STIL: variants seen among roughly 807,000 people sequenced by gnomAD.
The protein encoded by STIL is SCL-interrupting locus protein.
Under a neutral mutation model 110.1 loss-of-function variants are expected in STIL, and 55 were observed. The ratio of observed to expected loss-of-function variants is 0.50; its 90% confidence interval spans 0.40 to 0.63. STIL has a LOEUF of 0.63. Ranked by LOEUF, STIL falls within the 20% of genes least tolerant of loss-of-function variation. The probability of loss-of-function intolerance (pLI) is 0.00; values close to 1 mark genes in which losing one functional copy is unlikely to be tolerated. For missense variants in STIL, 1,358 were observed against 1,530.0 expected (o/e 0.89, Z 1.87); for synonymous variants, 481 against 530.0 (o/e 0.91, Z 1.27).
At chr1:47,259,006 T>TTTTTTTTTTTTTA (rs55925437) in intron 16 of STIL, among the ~76,000 whole-genome samples, 3 of 51,702 alleles carry the variant, frequency 5.8e-5, no homozygotes, top group African/African-American at 1.9e-4. Context: ...TTTTTTTTTT[T>TTTTTTTTTTTTTA]GAGACAGTCT....
rs1192894790 is a variant in STIL at position 47,263,060 on chromosome 1, C to A, written c.2672G>T (p.Gly891Val). The A allele has an allele frequency of 6.2e-7, 1 of 1,614,016 alleles. No individual in the cohort carries two copies. The highest frequency in any genetic ancestry group is 1.3e-5 in the African/African-American group (1 of 74,916). The change falls in exon 15 of 17, where the codon GGC becomes GTC. Residue 891 changes from glycine (G) to valine (V), a missense_variant. Gly to Val is a moderately radical substitution (Grantham distance 109). Transcript: ENST00000371877. ...EPDVPVFFPS[G>V]QLAESVSMCL... ...CATGCTTACACTTTCTGCCAGCTGG[C>A]CACTTGGAAAGAACACAGGTACATC...
At chr1:47,285,395 A>G (rs747728180) in intron 10 of STIL, among the ~76,000 whole-genome samples, 1 of 152,214 alleles carries the variant, frequency 6.6e-6, no homozygotes, top group Non-Finnish European at 1.5e-5. Context: ...CTTAAAACAA[A>G]TATCTCTACA....
At chr1:47,297,620 T>C (rs922780027) in intron 6 of STIL, among the ~76,000 whole-genome samples, 1 of 152,098 alleles carries the variant, frequency 6.6e-6, no homozygotes, top group African/African-American at 2.4e-5. Context: ...TACATTGTCC[T>C]AGCTGGAGAG....
intron 14 of STIL, among the ~76,000 whole-genome samples, 174 bp downstream of exon 14, chr1:47,269,461 C>A (rs543397829): frequency 5.9e-5 from 9 of 152,050 alleles, no homozygotes; most frequent in Admixed American, 5.2e-4. Flanking sequence ...AATGTTTTTA[C>A]CACAGAAAAA....
In STIL at chr1:47,300,112, C is replaced by T; in HGVS notation, c.494G>A (p.Cys165Tyr). The T allele has an allele frequency of 6.2e-7, 1 of 1,614,084 alleles. No homozygotes were observed. Residue 165 changes from cysteine to tyrosine, a missense_variant, in exon 6 of 17, where the codon TGT becomes TAT. Transcript: ENST00000371877. ...CHICSKDSLDCGKLLSLRVHI... is the reference protein window; with the variant it reads ...CHICSKDSLDYGKLLSLRVHI... ...AACTCTTAGGGAAAGCAGCTTACCA[C>T]AGTCCAAGGAATCTTTGCTACATAT...
chr1:47,301,532 TTAAC>T, intron 5 of STIL, 25 bp downstream of exon 5: 1 of 1,588,808 alleles, frequency 6.3e-7, no homozygotes, highest in Non-Finnish European at 8.6e-7. Context: ...TTGTGTTGAA[TTAAC>T]TATCAAGTTG....
chr1:47,270,354 G>A (rs1239729605), intron 13 of STIL, among the ~76,000 whole-genome samples: 3 of 149,716 alleles, frequency 2.0e-5, no homozygotes, highest in Middle Eastern at 6.8e-3. Context: ...AGAGGTAGGT[G>A]GAAGACAGAA....
intron 2 of STIL, among the ~76,000 whole-genome samples, chr1:47,306,750 G>A (rs1203466136): frequency 1.3e-5 from 2 of 152,168 alleles, no homozygotes; most frequent in African/African-American, 4.8e-5. Flanking sequence ...CCTCAACAAA[G>A]ATGCCAGGGG....
chr1:47,307,303 G>A (rs1382620726), intron 2 of STIL, among the ~76,000 whole-genome samples: 3 of 152,334 alleles, frequency 2.0e-5, no homozygotes, highest in South Asian at 4.1e-4. Context: ...GTGACAGAGT[G>A]AGACTCTGTC....
intron 2 of STIL, among the ~76,000 whole-genome samples, chr1:47,306,352 A>C (rs1052912500): frequency 6.6e-6 from 1 of 151,406 alleles, no homozygotes; most frequent in Admixed American, 6.6e-5. Flanking sequence ...CTGCAGCCTT[A>C]AACTCCTGGG....
At chr1:47,286,293 C>T (rs1645296926) in intron 10 of STIL, among the ~76,000 whole-genome samples, 2 of 152,092 alleles carry the variant, frequency 1.3e-5, no homozygotes, top group Non-Finnish European at 2.9e-5. Flanking sequence ...ATTTAATCAC[C>T]CACAGCTTTA....
intron 14 of STIL, among the ~76,000 whole-genome samples, chr1:47,264,959 G>T (rs1024563483): frequency 7.8e-5 from 11 of 141,548 alleles, no homozygotes; most frequent in African/African-American, 2.3e-4. Context: ...CCAAAACAAG[G>T]GCATGGTGGC....
chr1:47,290,063 T>A (rs543303076), intron 8 of STIL, among the ~76,000 whole-genome samples: 1 of 152,134 alleles, frequency 6.6e-6, no homozygotes, highest in African/African-American at 2.4e-5. Context: ...TACTAAATCA[T>A]AGCAAAGGAT....
intron 12 of STIL, 53 bp downstream of exon 12, chr1:47,280,188 T>C: frequency 6.2e-7 from 1 of 1,612,446 alleles, no homozygotes; most frequent in Non-Finnish European, 8.5e-7. Flanking sequence ...TGCCAGTTTT[T>C]AAGAAATCTT....
chr1:47,262,273 G>A (rs1644508333), intron 15 of STIL, among the ~76,000 whole-genome samples: 1 of 152,180 alleles, frequency 6.6e-6, no homozygotes, highest in Non-Finnish European at 1.5e-5. Context: ...GGATGAAAGT[G>A]ACAGTCAGGG....
chr1:47,298,438 G>C (rs1324148347), intron 6 of STIL, among the ~76,000 whole-genome samples: 1 of 152,164 alleles, frequency 6.6e-6, no homozygotes, highest in Non-Finnish European at 1.5e-5. Context: ...AGCTGGAGAG[G>C]ATTCTACTCC....
At chr1:47,253,246 A>G (rs1464238697) in intron 16 of STIL, among the ~76,000 whole-genome samples, 1 of 152,144 alleles carries the variant, frequency 6.6e-6, no homozygotes, top group Non-Finnish European at 1.5e-5. Context: ...CTTATTCTCC[A>G]TTTCAACATC....
chr1:47,302,432 C>T lies in STIL; in HGVS notation c.153-86G>A, dbSNP rs901393480. On this transcript the variant is annotated intron_variant, in intron 3 of 16. Transcript: ENST00000371877. ...CCATAAAATGCTGTCTAAATTATAA[C>T]ACACATTTTTAAAAATGTACAGAAA... is the stretch of plus-strand genomic sequence containing the variant. 4 of 1,018,030 alleles carry T rather than the reference C, an allele frequency of 3.9e-6. No homozygotes were observed. The African/African-American group carries it at 4.8e-5, about 12-fold the overall frequency. The allele number at this position is 1,018,030 out of a possible 1,614,324, so 63.1% of individuals were successfully genotyped here. A position where few individuals can be genotyped will look rare whatever the true frequency, so the allele number is the denominator to read the frequency against.
At position 47,251,268 on chromosome 1, in the gene STIL, T is replaced by G; in HGVS notation, c.3735A>C (p.Glu1245Asp). 2 of 1,612,156 alleles carry G rather than the reference T, an allele frequency of 1.2e-6. No individual in the cohort carries two copies. The highest frequency in any genetic ancestry group is 1.7e-6 in the Non-Finnish European group (2 of 1,178,618). ...GAAAAATTGTAATGTCCCCTTCATT[T>G]TCTTTCTCAGGATGTTGAGTGAACT... ...KAEFTQHPEK[E>D]NEGDITIFPE... is the part of the protein sequence containing the mutation. The change falls in exon 17 of 17, where the codon GAA (glutamate) becomes GAC (aspartate). Residue 1245 changes from glutamate to aspartate, a missense_variant. Transcript: ENST00000371877.
Sources: gnomAD v4.1 joint callset for allele counts (sites outside exome capture counted in the v4.1 genomes callset) on GRCh38, gnomAD v4.1.1 for gene constraint, MANE v1.5 for transcripts, NCBI Gene and HGNC (gene_info 2026-07-23, HGNC 2026-07-21) for gene names.